DHRSX: variants seen among roughly 807,000 people sequenced by gnomAD.
The protein encoded by DHRSX is dehydrogenase/reductase X-linked.
In DHRSX, 31 loss-of-function variants were observed where a neutral mutation model predicts 34.0. The observed-to-expected ratio is 0.91, with a 90% CI of 0.69 to 1.23. The LOEUF (loss-of-function observed/expected upper bound fraction) is 1.23. Ranked by LOEUF, DHRSX falls within the 50% of genes most tolerant of loss-of-function variation. The pLI is 0.00. For synonymous variants in DHRSX, 201 were observed against 183.8 expected, an observed-to-expected ratio of 1.09 and a Z score of -0.76; for missense variants, 414 against 428.1, an observed-to-expected ratio of 0.97 and a Z score of 0.29.
intron 3 of DHRSX, among the ~76,000 whole-genome samples, chrX:2,355,457 A>AAC (rs1221777828): frequency 3.5e-5 from 5 of 144,030 alleles, no homozygotes; most frequent in Non-Finnish European, 7.5e-5. Context: ...GGTTGCAGTG[A>AAC]ACCAAGATGG....
chrX:2,448,573 G>A (rs1233396295), intron 1 of DHRSX, among the ~76,000 whole-genome samples: 5 of 150,478 alleles, frequency 3.3e-5, no homozygotes, highest in Non-Finnish European at 5.9e-5. Context: ...TTGTTAATGT[G>A]TTTATTAGCT....
intron 3 of DHRSX, among the ~76,000 whole-genome samples, chrX:2,307,825 G>C (rs968966629): frequency 3.7e-4 from 55 of 148,898 alleles, no homozygotes; most frequent in African/African-American, 1.3e-3. Context: ...AAAAACAAAA[G>C]AGTATGAGGC....
intron 1 of DHRSX, among the ~76,000 whole-genome samples, chrX:2,491,075 T>TTG (rs1556033021): frequency 7.9e-6 from 1 of 126,474 alleles, no homozygotes; most frequent in African/African-American, 2.9e-5. Context: ...AGTTTTTTTT[T>TTG]TTTTTTTTTT....
At chrX:2,374,906 T>C (rs2043123479) in intron 3 of DHRSX, among the ~76,000 whole-genome samples, 1 of 136,526 alleles carries the variant, frequency 7.3e-6, no homozygotes, top group South Asian at 2.3e-4. Context: ...ACCCTGTCTC[T>C]ATAAAAAATA....
chrX:2,442,163 A>T (rs1185927576), intron 1 of DHRSX, among the ~76,000 whole-genome samples: 1 of 152,172 alleles, frequency 6.6e-6, no homozygotes, highest in Non-Finnish European at 1.5e-5. Context: ...AGAGAAAAGA[A>T]AATGCTATTA....
At chrX:2,471,123 C>T (rs781100504) in intron 1 of DHRSX, among the ~76,000 whole-genome samples, 34 of 152,204 alleles carry the variant, frequency 2.2e-4, no homozygotes, top group African/African-American at 7.2e-4. Flanking sequence ...AAAAATGACT[C>T]GCATTTCCAG....
intron 3 of DHRSX, among the ~76,000 whole-genome samples, chrX:2,335,750 C>G (rs2042551573): frequency 6.6e-6 from 1 of 151,940 alleles, no homozygotes; most frequent in African/African-American, 2.4e-5. Context: ...CCGCACCTGG[C>G]CAGGAGTAAC....
chrX:2,249,539 T>TTTTTTTTTC (rs2016386174), intron 5 of DHRSX, among the ~76,000 whole-genome samples: 1 of 124,208 alleles, frequency 8.1e-6, no homozygotes, highest in African/African-American at 4.4e-5. Flanking sequence ...TTTTTTTTTT[T>TTTTTTTTTC]TTGAGACAGA....
At chrX:2,381,243 T>C (rs1603029237) in intron 3 of DHRSX, among the ~76,000 whole-genome samples, 1 of 152,150 alleles carries the variant, frequency 6.6e-6, no homozygotes, top group African/African-American at 2.4e-5. Context: ...GATGAGGTCA[T>C]GAGGGTGGGG....
chrX:2,468,961 C>T (rs1266308388), intron 1 of DHRSX, among the ~76,000 whole-genome samples: 3 of 151,658 alleles, frequency 2.0e-5, no homozygotes, highest in Non-Finnish European at 4.4e-5. Context: ...CAGGGACCAC[C>T]ACCATGTACA....
At chrX:2,248,649 G>GA (rs1321304482) in intron 5 of DHRSX, among the ~76,000 whole-genome samples, 3 of 85,072 alleles carry the variant, frequency 3.5e-5, no homozygotes, top group African/African-American at 6.5e-5. Flanking sequence ...AAAAGAAAAA[G>GA]AAAGAAAAGA....
intron 3 of DHRSX, among the ~76,000 whole-genome samples, chrX:2,293,325 A>G (rs890229482): frequency 6.6e-6 from 1 of 151,060 alleles, no homozygotes; most frequent in East Asian, 1.9e-4. Flanking sequence ...GCAAATTCAC[A>G]GGTATATAAT....
chrX:2,267,057 G>A, intron 4 of DHRSX, 110 bp from the exon 5 acceptor site: 1 of 1,122,570 alleles, frequency 8.9e-7, no homozygotes, highest in South Asian at 1.3e-5. Flanking sequence ...AGGGTGGGGT[G>A]TAGAGCTGGC....
chrX:2,399,201 CAG>C, intron 3 of DHRSX, among the ~76,000 whole-genome samples: 1 of 152,126 alleles, frequency 6.6e-6, no homozygotes, highest in East Asian at 1.9e-4. Context: ...ATTAAACTTT[CAG>C]AGAGTGTGGG....
At chrX:2,310,671 AAGAG>A (rs1170629961) in intron 3 of DHRSX, among the ~76,000 whole-genome samples, 5 of 151,586 alleles carry the variant, frequency 3.3e-5, no homozygotes, top group South Asian at 4.2e-4. Flanking sequence ...ATGGGAGAGA[AAGAG>A]AGAGACAGAG....
chrX:2,421,041 G>T (rs1223397750), intron 2 of DHRSX, among the ~76,000 whole-genome samples: 2 of 152,066 alleles, frequency 1.3e-5, no homozygotes, highest in African/African-American at 4.8e-5. Context: ...GTGCATCAGA[G>T]AAAGATGGTT....
intron 3 of DHRSX, among the ~76,000 whole-genome samples, chrX:2,325,341 C>T (rs1414024104): frequency 1.3e-5 from 2 of 151,970 alleles, no homozygotes; most frequent in African/African-American, 2.4e-5. Context: ...CCGGCAGGAA[C>T]TAGGGACTAG....
chrX:2,491,479 T>C (rs771308326), intron 1 of DHRSX, among the ~76,000 whole-genome samples: 4 of 152,212 alleles, frequency 2.6e-5, no homozygotes, highest in South Asian at 4.1e-4. Context: ...GAAGCCTACA[T>C]AGAAGAATCC....
At chrX:2,254,162 G>T (rs2041244027) in intron 5 of DHRSX, among the ~76,000 whole-genome samples, 2 of 152,170 alleles carry the variant, frequency 1.3e-5, no homozygotes, top group Admixed American at 6.5e-5. Context: ...GTCTCCGTAG[G>T]CGGTGTCCTT....
Sources: allele counts gnomAD v4.1 joint callset (sites outside exome capture counted in the v4.1 genomes callset), GRCh38; gene constraint gnomAD v4.1.1; transcripts MANE v1.5; gene names NCBI Gene and HGNC (gene_info 2026-07-23, HGNC 2026-07-21).